SLC27A6: variants seen among roughly 807,000 people sequenced by gnomAD.
SLC27A6 encodes long-chain fatty acid transport protein 6.
A neutral mutation model predicts 63.9 loss-of-function variants in SLC27A6; 74 were observed. The observed-to-expected ratio is 1.16, with a 90% CI of 0.96 to 1.40. The LOEUF is 1.40. Among genes scored for constraint, SLC27A6 ranks in the 40% most tolerant of loss-of-function variants. The probability of loss-of-function intolerance (pLI) is 0.00; values close to 1 mark genes in which losing one functional copy is unlikely to be tolerated. For synonymous variants in SLC27A6, 287 were observed against 260.8 expected (o/e 1.10, Z -0.97); for missense variants, 794 against 732.9 (o/e 1.08, Z -0.96).
intron 1 of SLC27A6, among the ~76,000 whole-genome samples, chr5:128,967,317 G>T (rs1170491448): frequency 6.6e-6 from 1 of 152,268 alleles, no homozygotes; most frequent in South Asian, 2.1e-4. Context: ...GGGTTTAGTG[G>T]CTAATTAGTA....
intron 7 of SLC27A6, among the ~76,000 whole-genome samples, chr5:129,027,901 A>C (rs1034843698): frequency 4.6e-5 from 7 of 152,090 alleles, no homozygotes; most frequent in African/African-American, 1.7e-4. Flanking sequence ...AAAGGGGGTT[A>C]ACACCTAGAA....
intron 4 of SLC27A6, among the ~76,000 whole-genome samples, chr5:129,014,152 C>A (rs1018799745): frequency 6.6e-6 from 1 of 152,172 alleles, no homozygotes; most frequent in Non-Finnish European, 1.5e-5. Flanking sequence ...TGTAGACTTT[C>A]ATTTAACCCT....
intron 4 of SLC27A6, among the ~76,000 whole-genome samples, chr5:128,993,420 A>C (rs889859010): frequency 2.6e-5 from 4 of 151,286 alleles, no homozygotes; most frequent in Non-Finnish European, 5.9e-5. Context: ...GAAAAAGTAA[A>C]TTCGATTATT....
At chr5:129,006,446 AGTGTGTGTGTGT>A (rs72056782) in intron 4 of SLC27A6, among the ~76,000 whole-genome samples, 3 of 144,042 alleles carry the variant, frequency 2.1e-5, no homozygotes, top group Non-Finnish European at 4.5e-5. Flanking sequence ...TATATGCATG[AGTGTGTGTGTGT>A]GTGTGTGTGT....
chr5:128,997,286 TTTA>T (rs1751192897), intron 4 of SLC27A6, among the ~76,000 whole-genome samples: 1 of 152,170 alleles, frequency 6.6e-6, no homozygotes, highest in Admixed American at 6.5e-5. Context: ...TTATATATTT[TTTA>T]TTATTTGTAT....
chr5:129,026,636 C>T (rs1048609700), intron 6 of SLC27A6, among the ~76,000 whole-genome samples: 6 of 152,074 alleles, frequency 3.9e-5, no homozygotes, highest in African/African-American at 7.2e-5. Context: ...TTACCCCTCT[C>T]GGTCCTAGTT....
chr5:129,018,168 C>G (rs1751969992), intron 5 of SLC27A6, among the ~76,000 whole-genome samples: 1 of 152,108 alleles, frequency 6.6e-6, no homozygotes, highest in Non-Finnish European at 1.5e-5. Flanking sequence ...TTTAGAACTG[C>G]TTTTGAAGAG....
At position 128,995,293 on chromosome 5, in the gene SLC27A6, G is replaced by C. The variant is rs973495767; in HGVS notation, c.969+4829G>C. ...AGCCATATCTAGGGATATATCTAGG[G>C]ATAGACCATATATGTAACATATTCA... On this transcript the variant is annotated intron_variant, in intron 4 of 9. Transcript: ENST00000262462. 2.9e-4 allele frequency among the ~76,000 whole-genome samples: 44 copies of C among 152,054 alleles called. 1 individual carries two copies. The highest frequency in any genetic ancestry group is 1.7e-3 in the Admixed American group (26 of 15,266).
Position 128,966,430 on chromosome 5 carries a change from A to G in SLC27A6, c.293A>G (p.Asn98Ser), listed in dbSNP as rs1749898274. The G allele has an allele frequency of 6.2e-7, 1 of 1,607,514 alleles. No individual in the cohort carries two copies. Among genetic ancestry groups the G allele is most frequent in the Non-Finnish European group, 8.5e-7 (1 of 1,176,948 alleles). Residue 98 changes from asparagine (N) to serine (S), a missense_variant, in exon 1 of 10, where the codon AAC (asparagine) becomes AGC (serine). Transcript: ENST00000262462. The part of the protein sequence containing the change: ...RSSRVAHVFL[N>S]HSSLKKGDTV... The stretch of plus-strand genomic sequence containing the variant: ...AGCAGAGTGGCCCATGTCTTCCTGA[A>G]CCATTCCTCTCTGAAAAAGGGGGAC...
In SLC27A6 at chr5:128,984,995, A is replaced by C. The variant is rs115530727; in HGVS notation, c.482-138A>C. 4,629 of 646,644 alleles carry C rather than the reference A, an allele frequency of 7.2e-3. 33 individuals carry two copies. Among genetic ancestry groups the C allele is most frequent in the Non-Finnish European group, 8.9e-3 (3,334 of 374,146 alleles). The allele number at this position is 646,644 out of a possible 1,614,324, so 40.1% of individuals were successfully genotyped here. A position where few individuals can be genotyped will look rare whatever the true frequency, so the allele number is the denominator to read the frequency against. On this transcript the variant is annotated intron_variant, in intron 1 of 9. Transcript: ENST00000262462. ...GAAACGGAACCATAAAATGACTGTG[A>C]TATTACTTATCCAACATAAGAAGGA...
chr5:129,006,485 T>C (rs1163305538), intron 4 of SLC27A6, among the ~76,000 whole-genome samples: 1 of 122,370 alleles, frequency 8.2e-6, no homozygotes, highest in Non-Finnish European at 1.8e-5. Flanking sequence ...GTGTGTGTGT[T>C]GTGTGTCTGT....
At chr5:129,023,805 C>T in intron 6 of SLC27A6, 95 bp downstream of exon 6, 2 of 843,440 alleles carry the variant, frequency 2.4e-6, no homozygotes, top group East Asian at 5.0e-5. Context: ...GGTTCCAGGA[C>T]CCCGGGTAGA....
intron 1 of SLC27A6, among the ~76,000 whole-genome samples, chr5:128,973,405 G>A (rs1042031590): frequency 7.2e-5 from 11 of 152,200 alleles, no homozygotes; most frequent in African/African-American, 2.4e-4. Flanking sequence ...ACACAGCCCG[G>A]TTTGAGCTGT....
intron 4 of SLC27A6, among the ~76,000 whole-genome samples, chr5:129,003,538 A>G (rs923415659): frequency 1.3e-5 from 2 of 152,206 alleles, no homozygotes; most frequent in Admixed American, 6.5e-5. Context: ...AGAGTCAGCT[A>G]TGAAAGCCTT....
At chr5:129,030,918 C>A (rs1752397680) in intron 9 of SLC27A6, among the ~76,000 whole-genome samples, 1 of 151,994 alleles carries the variant, frequency 6.6e-6, no homozygotes, top group African/African-American at 2.4e-5. Context: ...ATTTCAAAAT[C>A]TTTCCCCCAT....
chr5:129,006,379 C>T (rs1238313042), intron 4 of SLC27A6, among the ~76,000 whole-genome samples: 1 of 151,858 alleles, frequency 6.6e-6, no homozygotes, highest in Non-Finnish European at 1.5e-5. Flanking sequence ...CATGAGCCAC[C>T]GCGCCCAGCC....
At chr5:128,983,560 G>A (rs181526545) in intron 1 of SLC27A6, among the ~76,000 whole-genome samples, 11 of 152,176 alleles carry the variant, frequency 7.2e-5, no homozygotes, top group Admixed American at 2.6e-4. Context: ...CTCCCAAAGT[G>A]CTGGAATTAC....
At chr5:128,966,644 A>C in intron 1 of SLC27A6, 26 bp downstream of exon 1, 5 of 1,456,520 alleles carry the variant, frequency 3.4e-6, no homozygotes, top group Non-Finnish European at 4.5e-6. Context: ...TGGTCTGCCT[A>C]TACAGAATGG....
rs373854632 is a variant in SLC27A6, at chr5:129,015,942, G to A, written c.1027G>A (p.Asp343Asn). 3.0e-5 allele frequency: 48 copies of A among 1,606,522 alleles called. No homozygotes were observed. Among genetic ancestry groups the A allele is most frequent in the Non-Finnish European group, 3.9e-5 (46 of 1,177,006 alleles). The change falls in exon 5 of 10, where the codon GAT (aspartate) becomes AAT (asparagine). Residue 343 changes from aspartate to asparagine, a missense_variant. Asp to Asn is a conservative substitution (Grantham distance 23, BLOSUM62 1). Transcript: ENST00000262462. ...RLAIGNGIRS[D>N]VWREFLDRFG... ...GGCAATTGGAAATGGCATACGGAGT[G>A]ATGTATGGAGAGAATTTTTAGACAG...
Sources: allele counts gnomAD v4.1 joint callset (sites outside exome capture counted in the v4.1 genomes callset), GRCh38; gene constraint gnomAD v4.1.1; transcripts MANE v1.5; gene names NCBI Gene and HGNC (gene_info 2026-07-23, HGNC 2026-07-21).